The following TET1 variants were observed in gnomAD, a reference collection of about 807,000 sequenced individuals.
TET1 encodes the protein methylcytosine dioxygenase TET1.
Under a neutral mutation model 148.7 loss-of-function variants are expected in TET1, and 13 were observed. The observed-to-expected ratio is 0.09, with a 90% CI of 0.06 to 0.14. The LOEUF (loss-of-function observed/expected upper bound fraction) is 0.14. Ranked by LOEUF, TET1 falls within the 10% of genes least tolerant of loss-of-function variation. TET1 has a pLI of 1.00. For missense variants in TET1, 2,182 were observed against 2,553.8 expected, an observed-to-expected ratio of 0.85 and a Z score of 3.14; for synonymous variants, 907 against 937.2, an observed-to-expected ratio of 0.97 and a Z score of 0.59.
At chr10:68,668,291 A>G (rs1288112817) in intron 7 of TET1, among the ~76,000 whole-genome samples, 1 of 151,986 alleles carries the variant, frequency 6.6e-6, no homozygotes, top group Admixed American at 6.6e-5. Flanking sequence ...CTTTTTCCTT[A>G]TTTGGATCTG....
intron 3 of TET1, among the ~76,000 whole-genome samples, chr10:68,602,029 C>T (rs1028353446): frequency 1.3e-5 from 2 of 152,158 alleles, no homozygotes; most frequent in East Asian, 1.9e-4. Flanking sequence ...AATGTTGACA[C>T]GGAGAACCAA....
At chr10:68,603,782 C>T (rs1036379667) in intron 3 of TET1, among the ~76,000 whole-genome samples, 1 of 152,100 alleles carries the variant, frequency 6.6e-6, no homozygotes, top group Non-Finnish European at 1.5e-5. Flanking sequence ...TCTCCCACCA[C>T]CAAAAGAACA....
Position 68,694,254 on chromosome 10 carries a change from A to T in TET1, c.*2440A>T, listed in dbSNP as rs1171842009. ...TTGTTGTAGTTAACATCATGAATGG[A>T]CTTCTTAAGCTGATTACCCCACTGT... is the stretch of plus-strand genomic sequence containing the variant. On this transcript the variant is annotated 3_prime_UTR_variant, in exon 12 of 12. Transcript: ENST00000373644. The T allele has an allele frequency of 4.3e-6, 1 of 232,578 alleles. No individual in the cohort carries two copies. The highest frequency in any genetic ancestry group is 8.5e-6 in the Non-Finnish European group (1 of 117,780). The allele number at this position is 232,578 out of a possible 1,614,324, so 14.4% of individuals were successfully genotyped here. A position where few individuals can be genotyped will look rare whatever the true frequency, so the allele number is the denominator to read the frequency against.
intron 2 of TET1, among the ~76,000 whole-genome samples, chr10:68,576,413 G>T (rs2053732009): frequency 6.6e-6 from 1 of 151,346 alleles, no homozygotes; most frequent in African/African-American, 2.4e-5. Context: ...TGTAATCTCA[G>T]CACTTTGGGA....
At chr10:68,610,061 A>C (rs955081047) in intron 3 of TET1, among the ~76,000 whole-genome samples, 7 of 152,116 alleles carry the variant, frequency 4.6e-5, no homozygotes, top group African/African-American at 1.7e-4. Flanking sequence ...AGACAGGAGG[A>C]TCACGAGGTC....
rs148998363 is a variant in TET1, at chr10:68,668,170, A to T, written c.4673+914A>T. On this transcript the variant is annotated intron_variant, in intron 7 of 11. Coordinates refer to ENST00000373644, the MANE Select transcript of TET1 (RefSeq NM_030625.3). The stretch of plus-strand genomic sequence containing the variant: ...TATTTTCTCTCTGATGGTGCTATTA[A>T]CTCTTATTCTGTGATATAATTTGCA... Among the ~76,000 whole-genome samples the T allele has an allele frequency of 5.3e-3, 811 of 151,992 alleles. 10 individuals carry two copies. The highest frequency in any genetic ancestry group is 0.019 in the African/African-American group (776 of 41,428).
At chr10:68,593,963 T>A (rs2053950033) in intron 2 of TET1, among the ~76,000 whole-genome samples, 1 of 134,570 alleles carries the variant, frequency 7.4e-6, no homozygotes, top group South Asian at 2.7e-4. Flanking sequence ...TCTCTCTCTG[T>A]TGCCCAGGCT....
At chr10:68,604,510 G>C (rs978683224) in intron 3 of TET1, among the ~76,000 whole-genome samples, 2 of 152,216 alleles carry the variant, frequency 1.3e-5, no homozygotes, top group Admixed American at 1.3e-4. Context: ...GGAAGCATGG[G>C]CTGGAGCCTT....
At chr10:68,673,542 T>C (rs928970540) in intron 8 of TET1, 5 of 244,516 alleles carry the variant, frequency 2.0e-5, no homozygotes, top group Admixed American at 5.1e-5. Flanking sequence ...TCAATACTTA[T>C]ATATTATATT....
chr10:68,632,055 T>C (rs2054579959), intron 3 of TET1, among the ~76,000 whole-genome samples: 1 of 152,048 alleles, frequency 6.6e-6, no homozygotes, highest in Non-Finnish European at 1.5e-5. Context: ...CCGGGCGTGG[T>C]GGCTCATGCC....
intron 3 of TET1, among the ~76,000 whole-genome samples, chr10:68,611,645 CCTTT>C (rs942838796): frequency 3.9e-5 from 5 of 128,814 alleles, no homozygotes; most frequent in East Asian, 2.1e-4. Context: ...TGTCAGAGAC[CCTTT>C]CTTTCTTTTC....
rs1306024578 is a variant in TET1, at chr10:68,645,078, CA to C, written c.2351del (p.Lys784ArgfsTer11). The C allele has an allele frequency of 6.2e-7, 1 of 1,612,384 alleles. No homozygotes were observed. Among genetic ancestry groups the C allele is most frequent in the Admixed American group, 1.7e-5 (1 of 59,660 alleles). ...AAAAATTCAATATTGAAGAATTCGG[CA>C]AGACATTGGAAAACAATTCTTATAA... ...FKKFNIEEFG[K>X]TLENNSYKFL... On this transcript the variant is annotated frameshift_variant, in exon 4 of 12. Coordinates refer to ENST00000373644, the MANE Select transcript of TET1 (RefSeq NM_030625.3). LOFTEE classifies it high-confidence loss of function.
intron 3 of TET1, among the ~76,000 whole-genome samples, chr10:68,619,185 C>T (rs1186394502): frequency 2.6e-5 from 4 of 152,078 alleles, no homozygotes; most frequent in Non-Finnish European, 5.9e-5. Flanking sequence ...ATACAAGTAT[C>T]TCTATAGTTA....
At chr10:68,661,554 G>A (rs944523895) in intron 6 of TET1, among the ~76,000 whole-genome samples, 5 of 151,980 alleles carry the variant, frequency 3.3e-5, no homozygotes, top group South Asian at 2.1e-4. Context: ...GTACAGTGGC[G>A]CAACTCACTG....
chr10:68,564,965 G>A (rs2053590726), intron 1 of TET1, among the ~76,000 whole-genome samples: 1 of 152,160 alleles, frequency 6.6e-6, no homozygotes, highest in Non-Finnish European at 1.5e-5. Context: ...TAAGGCTATA[G>A]TTAGCGATGA....
intron 6 of TET1, among the ~76,000 whole-genome samples, chr10:68,658,431 G>A (rs1254526287): frequency 3.3e-5 from 5 of 151,952 alleles, no homozygotes; most frequent in African/African-American, 9.7e-5. Flanking sequence ...GAGCCACCGC[G>A]ACAGCCCTCT....
At chr10:68,582,497 G>A (rs764853100) in intron 2 of TET1, among the ~76,000 whole-genome samples, 2 of 152,134 alleles carry the variant, frequency 1.3e-5, no homozygotes, top group South Asian at 2.1e-4. Context: ...ATACCTACAT[G>A]GGCTGTGTTT....
intron 3 of TET1, 124 bp from the exon 4 acceptor site, chr10:68,644,574 C>T: frequency 1.0e-6 from 1 of 977,980 alleles, no homozygotes; most frequent in Non-Finnish European, 1.4e-6. Flanking sequence ...GTGTGAAAAG[C>T]AAAAATAATA....
intron 3 of TET1, among the ~76,000 whole-genome samples, chr10:68,609,291 G>A (rs2054172741): frequency 6.6e-6 from 1 of 151,988 alleles, no homozygotes; most frequent in Non-Finnish European, 1.5e-5. Context: ...CCTCCCTAGT[G>A]GTTGGGATTA....
Sources: allele counts gnomAD v4.1 joint callset (sites outside exome capture counted in the v4.1 genomes callset), GRCh38; gene constraint gnomAD v4.1.1; transcripts MANE v1.5; gene names NCBI Gene and HGNC (gene_info 2026-07-23, HGNC 2026-07-21).